The following AKAP13 variants were observed in gnomAD, a reference collection of about 807,000 sequenced individuals.
AKAP13 encodes the protein A-kinase anchor protein 13.
In AKAP13, 80 loss-of-function variants were observed where a neutral mutation model predicts 264.5. The observed-to-expected ratio is 0.30, with a 90% CI of 0.25 to 0.36. The LOEUF (loss-of-function observed/expected upper bound fraction) is 0.36. Among genes scored for constraint, AKAP13 ranks in the 10% least tolerant of loss-of-function variants. The pLI is 1.00. For synonymous variants in AKAP13, 1,380 were observed against 1,250.2 expected (o/e 1.10, Z -2.19); for missense variants, 3,712 against 3,435.2 (o/e 1.08, Z -2.01).
At chr15:85,576,927 A>G (rs1048305390) in intron 6 of AKAP13, among the ~76,000 whole-genome samples, 1 of 152,212 alleles carries the variant, frequency 6.6e-6, no homozygotes, top group Non-Finnish European at 1.5e-5. Flanking sequence ...GGGAACATAC[A>G]TGTGCTACTT....
chr15:85,649,957 A>AT lies in AKAP13; in HGVS notation c.4374+4008dup, dbSNP rs2082727335. Among the ~76,000 whole-genome samples, 4 of 152,106 alleles carry AT rather than the reference A, an allele frequency of 2.6e-5. No individual in the cohort carries two copies. In the South Asian group the frequency reaches 6.2e-4, roughly 24 times the overall value. ...AGGTAAATCAAGGTCCTTCCATGTT[A>AT]TTTTTCTTCCCCAGGTTAGCAGATG... On this transcript the variant is annotated intron_variant, in intron 10 of 36. Coordinates refer to ENST00000394518, the MANE Select transcript of AKAP13 (RefSeq NM_007200.5).
chr15:85,649,392 G>C (rs2082702571), intron 10 of AKAP13, among the ~76,000 whole-genome samples: 1 of 152,192 alleles, frequency 6.6e-6, no homozygotes, highest in South Asian at 2.1e-4. Context: ...GCCATCAGCT[G>C]CTTCCTTAAA....
chr15:85,722,149 T>C, intron 24 of AKAP13, 33 bp downstream of exon 24: 1 of 1,612,732 alleles, frequency 6.2e-7, no homozygotes, highest in Non-Finnish European at 8.5e-7. Context: ...TCCCCGTTAT[T>C]GTTGAGAGCC....
chr15:85,382,301 T>C (rs2141821875), intron 1 of AKAP13: 1 of 152,358 alleles, frequency 6.6e-6, no homozygotes, highest in South Asian at 2.1e-4. Flanking sequence ...GTGAGTCCTG[T>C]GGAGAAGCGT....
At chr15:85,615,825 A>C (rs1255047845) in intron 8 of AKAP13, among the ~76,000 whole-genome samples, 1 of 152,224 alleles carries the variant, frequency 6.6e-6, no homozygotes, top group Non-Finnish European at 1.5e-5. Context: ...TCAGACTGGC[A>C]GTATATAATA....
chr15:85,649,614 C>T (rs567864432), intron 10 of AKAP13, among the ~76,000 whole-genome samples: 2 of 152,140 alleles, frequency 1.3e-5, no homozygotes, highest in East Asian at 1.9e-4. Context: ...TTTAACAGCC[C>T]GTAACGTTTG....
chr15:85,436,730 C>T (rs1171492204), intron 1 of AKAP13, among the ~76,000 whole-genome samples: 6 of 151,354 alleles, frequency 4.0e-5, no homozygotes, highest in African/African-American at 7.3e-5. Flanking sequence ...GGGTACATAA[C>T]GAAATGAAGG....
intron 5 of AKAP13, among the ~76,000 whole-genome samples, chr15:85,555,226 A>G (rs2078100490): frequency 6.6e-6 from 1 of 151,956 alleles, no homozygotes; most frequent in Non-Finnish European, 1.5e-5. Flanking sequence ...TAGCTTCTCC[A>G]GCTCCATTTG....
At chr15:85,628,426 C>T (rs1428987983) in intron 8 of AKAP13, among the ~76,000 whole-genome samples, 1 of 152,196 alleles carries the variant, frequency 6.6e-6, no homozygotes, top group Non-Finnish European at 1.5e-5. Context: ...AATCCTGGTG[C>T]AGAAGCCCCG....
intron 1 of AKAP13, among the ~76,000 whole-genome samples, chr15:85,460,629 G>A (rs966274736): frequency 1.3e-5 from 2 of 152,220 alleles, no homozygotes; most frequent in African/African-American, 4.8e-5. Flanking sequence ...CTTGAGATGT[G>A]GAGATCATCT....
rs2079112705 is a variant in AKAP13 at position 85,579,395 on chromosome 15, G to T, written c.1327G>T (p.Asp443Tyr). 1 of 1,614,018 alleles carries T rather than the reference G, an allele frequency of 6.2e-7. No individual in the cohort carries two copies. Among genetic ancestry groups the T allele is most frequent in the Admixed American group, 1.7e-5 (1 of 60,010 alleles). Reference protein sequence around the residue: ...PTDQESLSSGDAVLQRDLVME... With the variant: ...PTDQESLSSGYAVLQRDLVME... ...AGACCAGGAGTCCCTGAGCAGTGGA[G>T]ATGCTGTGCTTCAGAGAGACTTGGT... The change falls in exon 7 of 37, where the codon GAT (aspartate) becomes TAT (tyrosine). Residue 443 changes from aspartate to tyrosine, a missense_variant. By Grantham distance (160) the Asp-to-Tyr change is radical. Coordinates refer to ENST00000394518, the MANE Select transcript of AKAP13 (RefSeq NM_007200.5).
chr15:85,450,516 C>T (rs2074050318), intron 1 of AKAP13, among the ~76,000 whole-genome samples: 2 of 152,168 alleles, frequency 1.3e-5, no homozygotes, highest in South Asian at 4.1e-4. Context: ...TTCCTCTTAA[C>T]ACCACCTTAG....
At chr15:85,586,176 T>C (rs2079334421) in intron 8 of AKAP13, among the ~76,000 whole-genome samples, 1 of 152,084 alleles carries the variant, frequency 6.6e-6, no homozygotes, top group African/African-American at 2.4e-5. Flanking sequence ...TCTTTTTTTC[T>C]TTCCTTCTTT....
At chr15:85,738,318 G>C (rs2088691154) in intron 33 of AKAP13, among the ~76,000 whole-genome samples, 1 of 151,844 alleles carries the variant, frequency 6.6e-6, no homozygotes, top group South Asian at 2.1e-4. Context: ...CTTGAACCCA[G>C]GAGGTGGAGG....
chr15:85,568,265 A>G (rs1429810753), intron 5 of AKAP13, among the ~76,000 whole-genome samples: 3 of 151,764 alleles, frequency 2.0e-5, no homozygotes, highest in Admixed American at 2.0e-4. Flanking sequence ...GCACCAGCAC[A>G]CTCCAGCATG....
At position 85,658,608 on chromosome 15, in the gene AKAP13, TTGATGGAC is replaced by T. The variant is rs1489653715; in HGVS notation, c.4799+20_4799+27del. 1 of 1,608,054 alleles carries T rather than the reference TTGATGGAC, an allele frequency of 6.2e-7. No individual in the cohort carries two copies. The highest frequency in any genetic ancestry group is 1.3e-5 in the African/African-American group (1 of 74,810). ...AGGAGAAGGTACAGAGTTCATTAACTTGATGGACTAACCATGTCACCTCTGAGCATATA... is the reference window on the plus strand; with the variant it reads ...AGGAGAAGGTACAGAGTTCATTAACTTAACCATGTCACCTCTGAGCATATA... On this transcript the variant is annotated intron_variant, in intron 12 of 36. Coordinates refer to ENST00000394518, the MANE Select transcript of AKAP13 (RefSeq NM_007200.5).
At chr15:85,390,349 C>G (rs1244552040) in intron 1 of AKAP13, among the ~76,000 whole-genome samples, 1 of 151,966 alleles carries the variant, frequency 6.6e-6, no homozygotes, top group Non-Finnish European at 1.5e-5. Context: ...TTGAACAGAC[C>G]TGAAGAAAGT....
chr15:85,630,755 C>T (rs775112359), intron 8 of AKAP13, among the ~76,000 whole-genome samples: 1 of 152,048 alleles, frequency 6.6e-6, no homozygotes, highest in Non-Finnish European at 1.5e-5. Context: ...ACCCATGTCA[C>T]ACCTACTGTG....
At chr15:85,706,450 A>G (rs1373577459) in intron 17 of AKAP13, among the ~76,000 whole-genome samples, 1 of 152,156 alleles carries the variant, frequency 6.6e-6, no homozygotes, top group Non-Finnish European at 1.5e-5. Context: ...AACCTGGGGG[A>G]AAATGTGATT....
Sources: allele counts gnomAD v4.1 joint callset (sites outside exome capture counted in the v4.1 genomes callset), GRCh38; gene constraint gnomAD v4.1.1; transcripts MANE v1.5; gene names NCBI Gene and HGNC (gene_info 2026-07-23, HGNC 2026-07-21).